Variants in TECTA observed in about 807,000 individuals in gnomAD.
The protein encoded by TECTA is tectorin alpha.
Under a neutral mutation model 216.8 loss-of-function variants are expected in TECTA, and 128 were observed. That is an observed-to-expected ratio of 0.59 (90% CI 0.51 to 0.68). The LOEUF (loss-of-function observed/expected upper bound fraction) is 0.68. Among genes scored for constraint, TECTA ranks in the 30% least tolerant of loss-of-function variants. The pLI, the probability that TECTA is intolerant of heterozygous loss-of-function variation, is 0.00. For missense variants in TECTA, 2,551 were observed against 2,786.2 expected (o/e 0.92, Z 1.90); for synonymous variants, 1,089 against 1,117.1 (o/e 0.97, Z 0.50).
In TECTA at chr11:121,158,207, G is replaced by T. The variant is rs770705318; in HGVS notation, c.4672G>T (p.Asp1558Tyr). 3 of 1,613,098 alleles carry T rather than the reference G, an allele frequency of 1.9e-6. No homozygotes were observed. The highest frequency in any genetic ancestry group is 3.3e-5 in the Admixed American group (2 of 60,016). The change falls in exon 14 of 24, where the codon GAC (aspartate) becomes TAC (tyrosine). Residue 1558 changes from aspartate to tyrosine, a missense_variant. Asp to Tyr is a radical substitution (Grantham distance 160). Coordinates refer to ENST00000392793, the MANE Select transcript of TECTA (RefSeq NM_005422.4). ...YINEEQILIN[D>Y]RNTVKVNGTQ... Reference sequence around the variant, plus strand: ...TAACGAAGAGCAGATTCTCATCAACGACCGGAACACGGTCAAGGTAACCAG... The same window carrying T: ...TAACGAAGAGCAGATTCTCATCAACTACCGGAACACGGTCAAGGTAACCAG...
chr11:121,102,534 G>A, intron 1 of TECTA, 131 bp from the exon 2 acceptor site: 1 of 746,440 alleles, frequency 1.3e-6, no homozygotes. Context: ...ACTCAGCACT[G>A]TTGATGTTGT....
intron 12 of TECTA, among the ~76,000 whole-genome samples, chr11:121,151,707 T>C (rs1440911052): frequency 6.6e-6 from 1 of 151,868 alleles, no homozygotes; most frequent in Non-Finnish European, 1.5e-5. Flanking sequence ...TTTAAAAACA[T>C]GGTATATTGT....
At chr11:121,175,950 T>G (rs1310322711) in intron 20 of TECTA, among the ~76,000 whole-genome samples, 3 of 152,180 alleles carry the variant, frequency 2.0e-5, no homozygotes, top group Non-Finnish European at 4.4e-5. Context: ...GTAATGGCCT[T>G]CTTTGTCTCT....
chr11:121,181,406 G>T (rs1947227419), intron 20 of TECTA, among the ~76,000 whole-genome samples: 1 of 151,292 alleles, frequency 6.6e-6, no homozygotes, highest in African/African-American at 2.4e-5. Flanking sequence ...TTCTTTCTCA[G>T]GTATTTCATA....
chr11:121,160,103 C>A, intron 14 of TECTA, 32 bp from the exon 15 acceptor site: 3 of 1,614,020 alleles, frequency 1.9e-6, no homozygotes, highest in Non-Finnish European at 2.5e-6. Flanking sequence ...CTACTCTAAG[C>A]GTAATTATTT....
At chr11:121,160,442 G>A in intron 15 of TECTA, 21 bp downstream of exon 15, 2 of 1,605,342 alleles carry the variant, frequency 1.2e-6, no homozygotes, top group South Asian at 1.1e-5. Context: ...AGGAGTTCAA[G>A]CCACTAGACT....
rs369690173 is a variant in TECTA, at chr11:121,137,856, T to G, written c.3377T>G (p.Leu1126Arg). 3 of 1,607,188 alleles carry G rather than the reference T, an allele frequency of 1.9e-6. No individual in the cohort carries two copies. The highest frequency in any genetic ancestry group is 2.6e-6 in the Non-Finnish European group (3 of 1,174,408). The change falls in exon 11 of 24, where the codon CTG (leucine) becomes CGG (arginine). Residue 1126 changes from leucine (L) to arginine (R), a missense_variant. By Grantham distance (102) the Leu-to-Arg change is moderately radical. Around this residue, in one of 3 missense-constraint regions of TECTA, gnomAD observed 2,375 missense variants for 2,563.9 expected, o/e 0.93. Coordinates refer to ENST00000392793, the MANE Select transcript of TECTA (RefSeq NM_005422.4). ...FDFQTSCPLI[L>R]CTTGSRPSSD... ...TTCCAGACCAGCTGCCCACTCATCC[T>G]GTGCACCACAGGAAGCAGGCCAAGC... is the stretch of plus-strand genomic sequence containing the variant.
intron 14 of TECTA, 95 bp downstream of exon 14, chr11:121,158,319 G>A (rs1946965412): frequency 6.6e-7 from 1 of 1,523,012 alleles, no homozygotes; most frequent in Non-Finnish European, 9.0e-7. Flanking sequence ...CAAGTTGTAG[G>A]ATAGATTGTT....
rs1289674797 is a variant in TECTA at position 121,118,695 on chromosome 11, A to T, written c.1180A>T (p.Lys394Ter). 6.2e-7 allele frequency: 1 copy of T among 1,613,774 alleles called. No homozygotes were observed. The highest frequency in any genetic ancestry group is 2.2e-5 in the East Asian group (1 of 44,902). The part of the protein sequence containing the change: ...EVNGYKILIP[K>*]GSYGRVKVND... ...GAATGGCTACAAGATTCTCATCCCC[A>T]AAGGAAGCTATGGAAGAGTCAAGGT... is the stretch of plus-strand genomic sequence containing the variant. The change falls in exon 7 of 24, where the codon AAA (lysine) becomes TAA (stop). Residue 394 changes from lysine (K) to a stop codon, truncating the protein, a stop_gained. Coordinates refer to ENST00000392793, the MANE Select transcript of TECTA (RefSeq NM_005422.4). LOFTEE classifies it high-confidence loss of function.
intron 20 of TECTA, among the ~76,000 whole-genome samples, chr11:121,173,081 G>A (rs1253445359): frequency 6.6e-6 from 1 of 151,974 alleles, no homozygotes; most frequent in Non-Finnish European, 1.5e-5. Context: ...TGTAGATTCT[G>A]GATACTAGCC....
chr11:121,170,732 T>C (rs1300793363), intron 20 of TECTA, among the ~76,000 whole-genome samples: 1 of 152,188 alleles, frequency 6.6e-6, no homozygotes, highest in East Asian at 1.9e-4. Flanking sequence ...TGTCTTCTTT[T>C]GAGAAATATT....
At chr11:121,166,215 C>T (rs1165889008) in intron 17 of TECTA, among the ~76,000 whole-genome samples, 2 of 152,142 alleles carry the variant, frequency 1.3e-5, no homozygotes, top group African/African-American at 4.8e-5. Context: ...TGCTGCTGTC[C>T]CTTGGAGGCA....
chr11:121,189,397 G>A (rs948072373), intron 22 of TECTA, among the ~76,000 whole-genome samples: 42 of 150,142 alleles, frequency 2.8e-4, no homozygotes, highest in Admixed American at 6.0e-4. Context: ...TCTTTGAGAC[G>A]GAGTCTTTCT....
rs1460605637 is a variant in TECTA at position 121,137,452 on chromosome 11, G to C, written c.2973G>C (p.Glu991Asp). 1 of 1,613,936 alleles carries C rather than the reference G, an allele frequency of 6.2e-7. No homozygotes were observed. The highest frequency in any genetic ancestry group is 8.5e-7 in the Non-Finnish European group (1 of 1,180,002). Residue 991 changes from glutamate (E) to aspartate (D), a missense_variant, in exon 11 of 24, where the codon GAG becomes GAC. This residue lies in a region of TECTA where 2,375 missense variants were observed against 2,563.9 expected (regional missense o/e 0.93). Transcript: ENST00000392793. ...PLECPENSHFEECITCTETCE... is the reference protein window; with the variant it reads ...PLECPENSHFDECITCTETCE... ...AGTGCCCAGAGAACAGCCACTTTGA[G>C]GAGTGCATCACATGTACAGAGACCT...
Position 121,125,589 on chromosome 11 carries a change from G to A in TECTA, c.1491G>A (p.Trp497Ter). Residue 497 changes from tryptophan to a stop codon, truncating the protein, a stop_gained, in exon 8 of 24, where the codon TGG becomes TGA. Coordinates refer to ENST00000392793, the MANE Select transcript of TECTA (RefSeq NM_005422.4). LOFTEE classifies it high-confidence loss of function. ...GESWRVYHAD[W>*]KCDSGCVDNC... ...GCTGGCGTGTGTACCACGCAGACTG[G>A]AAGTGCGACTCCGGCTGCGTCGACA... is the stretch of plus-strand genomic sequence containing the variant. The A allele has an allele frequency of 6.2e-7, 1 of 1,613,956 alleles. No individual in the cohort carries two copies. The highest frequency in any genetic ancestry group is 1.1e-5 in the South Asian group (1 of 91,084).
rs1947172247 is a variant in TECTA at position 121,176,819 on chromosome 11, A to G, written c.5999+7894A>G. 6.6e-5 allele frequency among the ~76,000 whole-genome samples: 10 copies of G among 152,154 alleles called. No individual in the cohort carries two copies. In the South Asian group the frequency reaches 2.1e-3, roughly 32 times the overall value. Reference sequence around the variant, plus strand: ...CATCACTTTCAGGTACACCAATCAGACATAGATTTGGTCTTTTCACATAGT... The same window carrying G: ...CATCACTTTCAGGTACACCAATCAGGCATAGATTTGGTCTTTTCACATAGT... On this transcript the variant is annotated intron_variant, in intron 20 of 23. Transcript: ENST00000392793.
At chr11:121,190,612 C>G in intron 23 of TECTA, 94 bp from the exon 24 acceptor site, 2 of 997,292 alleles carry the variant, frequency 2.0e-6, no homozygotes, top group Non-Finnish European at 3.1e-6. Context: ...AATGAAGTTT[C>G]CTTTCTTTAG....
At chr11:121,132,030 G>A (rs1356211242) in intron 10 of TECTA, among the ~76,000 whole-genome samples, 1 of 151,966 alleles carries the variant, frequency 6.6e-6, no homozygotes, top group African/African-American at 2.4e-5. Flanking sequence ...TATTTTTCAG[G>A]GAAATACTTT....
At position 121,169,147 on chromosome 11, in the gene TECTA, A is replaced by G. The variant is rs190634329; in HGVS notation, c.5999+222A>G. On this transcript the variant is annotated intron_variant, in intron 20 of 23. Coordinates refer to ENST00000392793, the MANE Select transcript of TECTA (RefSeq NM_005422.4). Reference sequence around the variant, plus strand: ...AACTTGCCTAAAGTCACACAGAAATATATTGGTAGGTACCCCACGTCCATG... The same window carrying G: ...AACTTGCCTAAAGTCACACAGAAATGTATTGGTAGGTACCCCACGTCCATG... Among the ~76,000 whole-genome samples, 323 of 152,308 alleles carry G rather than the reference A, an allele frequency of 2.1e-3. 2 individuals carry two copies. Among genetic ancestry groups the G allele is most frequent in the East Asian group, 8.3e-3 (43 of 5,194 alleles).
Sources: allele counts gnomAD v4.1 joint callset (sites outside exome capture counted in the v4.1 genomes callset), GRCh38; gene constraint gnomAD v4.1.1; regional missense constraint gnomAD v4.1.1; transcripts MANE v1.5; gene names NCBI Gene and HGNC (gene_info 2026-07-23, HGNC 2026-07-21).